Variants in MBLAC2 observed in about 807,000 individuals in gnomAD.
MBLAC2 encodes metallo-beta-lactamase domain containing 2, also known as acyl-coenzyme A thioesterase MBLAC2.
Under a neutral mutation model 23.3 loss-of-function variants are expected in MBLAC2, and 24 were observed. That is an observed-to-expected ratio of 1.03 (90% CI 0.75 to 1.45). The LOEUF (loss-of-function observed/expected upper bound fraction) is 1.45, where lower values mean the gene tolerates loss of function less well. MBLAC2 is among the 40% of genes most tolerant of loss of function. The probability of loss-of-function intolerance (pLI) is 0.00; values close to 1 mark genes in which losing one functional copy is unlikely to be tolerated. For missense variants in MBLAC2, 358 were observed against 370.0 expected (o/e 0.97, Z 0.27); for synonymous variants, 162 against 150.9 (o/e 1.07, Z -0.54).
intron 1 of MBLAC2, 164 bp downstream of exon 1, chr5:90,473,675 G>T: frequency 4.0e-6 from 3 of 741,266 alleles, no homozygotes; most frequent in Admixed American, 2.0e-5. Context: ...CCTTGACTCT[G>T]GTCAAGTGGG....
rs1177938316 is a variant in MBLAC2, at chr5:90,473,698, G to T, written c.454+141C>A. ...CTGGTCAAGTGGGTTTTTACTCAGGGAAGGGTGAAACAGAAGTGGCTCTGC... is the reference window on the plus strand; with the variant it reads ...CTGGTCAAGTGGGTTTTTACTCAGGTAAGGGTGAAACAGAAGTGGCTCTGC... On this transcript the variant is annotated intron_variant, in intron 1 of 1. Transcript: ENST00000316610. The T allele has an allele frequency of 3.6e-6, 3 of 836,316 alleles. No individual in the cohort carries two copies. The African/African-American group carries it at 5.0e-5, about 14-fold the overall frequency. The allele number at this position is 836,316 out of a possible 1,614,324, so 51.8% of individuals were successfully genotyped here.
At position 90,474,284 on chromosome 5, in the gene MBLAC2, C is replaced by G. The variant is rs751743463; in HGVS notation, c.9G>C (p.Ala3=). MS[A]LEWYAHKSLG... ...GAGACTTGTGGGCGTACCACTCGAG[C>G]GCCGACATGCTGGGCAGGGGTGCAG... Residue 3 remains alanine, a synonymous_variant, in exon 1 of 2, where the codon GCG becomes GCC. Coordinates refer to ENST00000316610, the MANE Select transcript of MBLAC2 (RefSeq NM_203406.2). 1.9e-5 allele frequency: 30 copies of G among 1,612,950 alleles called. No individual in the cohort carries two copies. Among genetic ancestry groups the G allele is most frequent in the Non-Finnish European group, 2.5e-5 (29 of 1,179,728 alleles).
At chr5:90,471,122 A>T (rs922025201) in intron 1 of MBLAC2, among the ~76,000 whole-genome samples, 1 of 152,158 alleles carries the variant, frequency 6.6e-6, no homozygotes, top group Non-Finnish European at 1.5e-5. Context: ...TAGCATCCAA[A>T]ACAGTTCCCC....
In MBLAC2 at chr5:90,474,132, G is replaced by A. The variant is rs1401490789; in HGVS notation, c.161C>T (p.Pro54Leu). 25 of 1,586,180 alleles carry A rather than the reference G, an allele frequency of 1.6e-5. No individual in the cohort carries two copies. In the Admixed American group the frequency reaches 4.2e-4, roughly 27 times the overall value. Residue 54 changes from proline (P) to leucine (L), a missense_variant, in exon 1 of 2, where the codon CCG becomes CTG. By Grantham distance (98) the Pro-to-Leu change is moderately conservative (BLOSUM62 -3). Coordinates refer to ENST00000316610, the MANE Select transcript of MBLAC2 (RefSeq NM_203406.2). ...IDTGLGLRSL[P>L]EYLYSSGLLQ... ...GAGGCCGGAGGAGTACAGGTACTCC[G>A]GGAGGCTGCGCAGCCCCAGGCCTGT...
rs1339415663 is a variant in MBLAC2 at position 90,460,713 on chromosome 5, G to C, written c.*454C>G. 6.5e-6 allele frequency: 1 copy of C among 152,936 alleles called. No individual in the cohort carries two copies. Among genetic ancestry groups the C allele is most frequent in the Non-Finnish European group, 1.5e-5 (1 of 68,596 alleles). The allele number at this position is 152,936 out of a possible 1,614,324, so 9.5% of individuals were successfully genotyped here. A position where few individuals can be genotyped will look rare whatever the true frequency, so the allele number is the denominator to read the frequency against. On this transcript the variant is annotated 3_prime_UTR_variant, in exon 2 of 2. Transcript: ENST00000316610. ...TGTCATTCTCAATGTTACTTTATAT[G>C]TCTGCATTAAGTTCTAATGTATTTT...
intron 1 of MBLAC2, among the ~76,000 whole-genome samples, chr5:90,465,156 C>T (rs1750428007): frequency 6.6e-6 from 1 of 152,036 alleles, no homozygotes; most frequent in African/African-American, 2.4e-5. Context: ...TTACAGGATA[C>T]CAGATCAACA....
In MBLAC2 at chr5:90,474,456, G is replaced by A; in HGVS notation, c.-164C>T. ...GGATGCGGGGGTCGGAATAGGAGGA[G>A]GAAGGACGCAGACCGACGCTGCCCG... On this transcript the variant is annotated 5_prime_UTR_variant, in exon 1 of 2. Transcript: ENST00000316610. 2 of 655,362 alleles carry A rather than the reference G, an allele frequency of 3.1e-6. No homozygotes were observed. Among genetic ancestry groups the A allele is most frequent in the East Asian group, 2.8e-5 (1 of 36,188 alleles). The allele number at this position is 655,362 out of a possible 1,614,324, so 40.6% of individuals were successfully genotyped here. A position where few individuals can be genotyped will look rare whatever the true frequency, so the allele number is the denominator to read the frequency against.
At chr5:90,464,884 G>A (rs1313878958) in intron 1 of MBLAC2, among the ~76,000 whole-genome samples, 1 of 152,160 alleles carries the variant, frequency 6.6e-6, no homozygotes, top group Non-Finnish European at 1.5e-5. Flanking sequence ...GGAAGGTCCT[G>A]AACTTGATAA....
intron 1 of MBLAC2, chr5:90,472,686 G>C (rs1750577909): frequency 6.6e-6 from 1 of 152,128 alleles, no homozygotes; most frequent in Admixed American, 6.5e-5. Context: ...ATAGAGGCAC[G>C]TTTTAATATA....
rs772104263 is a variant in MBLAC2 at position 90,461,563 on chromosome 5, A to G, written c.455-11T>C. The G allele has an allele frequency of 6.3e-7, 1 of 1,596,654 alleles. No homozygotes were observed. Among genetic ancestry groups the G allele is most frequent in the South Asian group, 1.1e-5 (1 of 88,030 alleles). On this transcript the variant is annotated splice_polypyrimidine_tract_variant and intron_variant, in intron 1 of 1. Transcript: ENST00000316610. The stretch of plus-strand genomic sequence containing the variant: ...GGTTGATCACATCCCCTACAAATGG[A>G]AACAGAGTTTACAGATAAACATGTT...
chr5:90,461,570 G>A lies in MBLAC2; in HGVS notation c.455-18C>T, dbSNP rs776515967. On this transcript the variant is annotated intron_variant, in intron 1 of 1. Transcript: ENST00000316610. ...CACATCCCCTACAAATGGAAACAGA[G>A]TTTACAGATAAACATGTTGTATACT... 6.3e-6 allele frequency: 10 copies of A among 1,589,064 alleles called. No homozygotes were observed. The highest frequency in any genetic ancestry group is 1.2e-5 in the South Asian group (1 of 86,514).
chr5:90,469,210 C>A (rs1266052976), intron 1 of MBLAC2, among the ~76,000 whole-genome samples: 1 of 152,166 alleles, frequency 6.6e-6, no homozygotes, highest in Non-Finnish European at 1.5e-5. Flanking sequence ...AGGTGATCCG[C>A]CCTCCTCGGC....
In MBLAC2 at chr5:90,461,384, T is replaced by C. The variant is rs144298000; in HGVS notation, c.623A>G (p.Tyr208Cys). The C allele has an allele frequency of 5.7e-5, 92 of 1,614,104 alleles. No homozygotes were observed. Among genetic ancestry groups the C allele is most frequent in the Non-Finnish European group, 6.6e-5 (78 of 1,179,956 alleles). ...DWLPYSRISD[Y>C]VGTCERLIEL... is the part of the protein sequence containing the mutation. ...TATTAGACGTTCACAAGTTCCAACA[T>C]AGTCACTTATCCTGCTGTATGGGAG... is the stretch of plus-strand genomic sequence containing the variant. Residue 208 changes from tyrosine to cysteine, a missense_variant, in exon 2 of 2, where the codon TAT becomes TGT. By Grantham distance (194) the Tyr-to-Cys change is radical. Transcript: ENST00000316610.
Position 90,474,424 on chromosome 5 carries a change from G to C in MBLAC2, c.-132C>G, listed in dbSNP as rs1750666462. The C allele has an allele frequency of 2.5e-6, 2 of 811,672 alleles. No individual in the cohort carries two copies. Among genetic ancestry groups the C allele is most frequent in the Admixed American group, 2.6e-5 (1 of 37,780 alleles). 50.3% of individuals were successfully genotyped at this position (811,672 alleles called of 1,614,324 possible). On this transcript the variant is annotated 5_prime_UTR_variant, in exon 1 of 2. Transcript: ENST00000316610. The stretch of plus-strand genomic sequence containing the variant: ...AGGGAGGAGGCGTAGAGCGAGGCGG[G>C]GGCGTGGGATGCGGGGGTCGGAATA...
chr5:90,473,075 T>C (rs576135176), intron 1 of MBLAC2: 3 of 152,364 alleles, frequency 2.0e-5, no homozygotes, highest in Admixed American at 1.3e-4. Flanking sequence ...ATTCCATACT[T>C]GTCTTTCACA....
intron 1 of MBLAC2, among the ~76,000 whole-genome samples, chr5:90,463,677 C>G (rs146453615): frequency 5.9e-5 from 9 of 152,048 alleles, no homozygotes; most frequent in African/African-American, 2.2e-4. Context: ...AAATTACTAT[C>G]CTAAGAAGTT....
rs180940879 is a variant in MBLAC2, at chr5:90,467,117, G to C, written c.455-5565C>G. ...ATTGCACTTCAGCCTGGGCAAGAGAGAGACTCCATCTCAAAAAAGTAAAAA... is the reference window on the plus strand; with the variant it reads ...ATTGCACTTCAGCCTGGGCAAGAGACAGACTCCATCTCAAAAAAGTAAAAA... On this transcript the variant is annotated intron_variant, in intron 1 of 1. Transcript: ENST00000316610. 5.3e-5 allele frequency among the ~76,000 whole-genome samples: 8 copies of C among 152,330 alleles called. No individual in the cohort carries two copies. The East Asian group carries it at 1.3e-3, about 26-fold the overall frequency.
chr5:90,468,889 G>A (rs1479812182), intron 1 of MBLAC2, among the ~76,000 whole-genome samples: 1 of 152,138 alleles, frequency 6.6e-6, no homozygotes, highest in African/African-American at 2.4e-5. Context: ...AACACTAATA[G>A]TGACACACAA....
chr5:90,467,840 T>C (rs1561239770), intron 1 of MBLAC2, among the ~76,000 whole-genome samples: 1 of 152,178 alleles, frequency 6.6e-6, no homozygotes, highest in Non-Finnish European at 1.5e-5. Context: ...TATTTTGTTG[T>C]ATTTCAAAGT....
Sources: gnomAD v4.1 joint callset for allele counts (sites outside exome capture counted in the v4.1 genomes callset) on GRCh38, gnomAD v4.1.1 for gene constraint, MANE v1.5 for transcripts, NCBI Gene and HGNC (gene_info 2026-07-23, HGNC 2026-07-21) for gene names.